Variants in GPC6 observed in about 807,000 individuals in gnomAD.
GPC6 encodes glypican 6.
A neutral mutation model predicts 55.2 loss-of-function variants in GPC6; 14 were observed. The ratio of observed to expected loss-of-function variants is 0.25; its 90% CI spans 0.17 to 0.40. The LOEUF is 0.40. GPC6 is among the 10% of genes least tolerant of loss of function. The pLI, the probability that GPC6 is intolerant of heterozygous loss-of-function variation, is 1.00. For synonymous variants in GPC6, 278 were observed against 259.6 expected, an observed-to-expected ratio of 1.07 and a Z score of -0.68; for missense variants, 641 against 708.5, an observed-to-expected ratio of 0.90 and a Z score of 1.08.
intron 8 of GPC6, among the ~76,000 whole-genome samples, chr13:94,401,155 C>T (rs574633203): frequency 3.3e-5 from 5 of 152,124 alleles, no homozygotes; most frequent in Non-Finnish European, 7.4e-5. Context: ...GCCCAAAGCA[C>T]ATTTATTTAT....
chr13:93,584,793 A>G (rs775196143), intron 2 of GPC6, among the ~76,000 whole-genome samples: 4 of 151,018 alleles, frequency 2.6e-5, no homozygotes, highest in Non-Finnish European at 5.9e-5. Flanking sequence ...GGCTCAAACA[A>G]TCCTCTAACC....
upstream of GPC6, among the ~76,000 whole-genome samples, chr13:93,225,307 G>A (rs1194346538): frequency 2.0e-5 from 3 of 152,134 alleles, no homozygotes; most frequent in Non-Finnish European, 2.9e-5. Flanking sequence ...CAACCTCACC[G>A]TTTGTCCACA....
chr13:94,392,622 T>C (rs1880702136), intron 7 of GPC6, among the ~76,000 whole-genome samples: 1 of 151,384 alleles, frequency 6.6e-6, no homozygotes, highest in Non-Finnish European at 1.5e-5. Flanking sequence ...AGAGATGGGG[T>C]TTCTCCATGT....
At chr13:93,276,491 AGAGAGTGT>A (rs1385187809) in intron 1 of GPC6, among the ~76,000 whole-genome samples, 167 of 128,688 alleles carry the variant, frequency 1.3e-3, no homozygotes, top group African/African-American at 4.8e-3. Context: ...AGAGAGAGAG[AGAGAGTGT>A]GTGTGTGTGT....
the GPC6 span, among the ~76,000 whole-genome samples, chr13:93,217,959 T>C: frequency 6.6e-6 from 1 of 152,200 alleles, no homozygotes; most frequent in East Asian, 1.9e-4. Flanking sequence ...GATTGCTTAG[T>C]AATGTCCTCA....
chr13:94,202,548 G>A (rs1347017397), intron 4 of GPC6, among the ~76,000 whole-genome samples: 2 of 152,116 alleles, frequency 1.3e-5, no homozygotes, highest in Non-Finnish European at 2.9e-5. Context: ...GGGGGAAACA[G>A]CCCCCATGAT....
intron 1 of GPC6, among the ~76,000 whole-genome samples, chr13:93,523,132 T>C (rs1881491005): frequency 6.8e-6 from 1 of 147,984 alleles, no homozygotes. Flanking sequence ...TGTACCCATA[T>C]ATACATATAC....
At chr13:93,923,524 T>C (rs1300380472) in intron 3 of GPC6, among the ~76,000 whole-genome samples, 1 of 152,044 alleles carries the variant, frequency 6.6e-6, no homozygotes, top group Non-Finnish European at 1.5e-5. Context: ...TAGGTACCTG[T>C]CTATTTTTTA....
intron 4 of GPC6, among the ~76,000 whole-genome samples, chr13:94,269,849 A>G (rs35398391): frequency 0.19 from 28,415 of 152,140 alleles, 2,744 homozygotes; most frequent in South Asian, 0.22. Context: ...TAGGAACTAG[A>G]AAGTCTATCA....
At chr13:94,032,725 A>G (rs1411115087) in intron 4 of GPC6, among the ~76,000 whole-genome samples, 1 of 152,200 alleles carries the variant, frequency 6.6e-6, no homozygotes, top group Non-Finnish European at 1.5e-5. Context: ...TAGTATTTTT[A>G]AATTTAAGCC....
At chr13:93,247,381 A>G (rs1257465135) in intron 1 of GPC6, among the ~76,000 whole-genome samples, 1 of 152,120 alleles carries the variant, frequency 6.6e-6, no homozygotes, top group Admixed American at 6.5e-5. Context: ...ATTGCTGGAC[A>G]CTCCTATGTG....
At chr13:93,600,949 C>CAAAAAAAAAAAAAAAAAAA (rs1196219049) in intron 2 of GPC6, among the ~76,000 whole-genome samples, 1 of 27,024 alleles carries the variant, frequency 3.7e-5, no homozygotes, top group Non-Finnish European at 8.1e-5. Context: ...AATTCCGCCT[C>CAAAAAAAAAAAAAAAAAAA]AAAAAAAAAA....
At chr13:93,881,167 C>G (rs1874951013) in intron 3 of GPC6, among the ~76,000 whole-genome samples, 3 of 152,050 alleles carry the variant, frequency 2.0e-5, no homozygotes, top group African/African-American at 4.8e-5. Flanking sequence ...GTGAGTAGAG[C>G]TGGTGTGGGG....
At chr13:94,121,542 G>A (rs1247982050) in intron 4 of GPC6, among the ~76,000 whole-genome samples, 5 of 152,048 alleles carry the variant, frequency 3.3e-5, no homozygotes, top group South Asian at 2.1e-4. Context: ...ATAATTTAAC[G>A]TGAATATAAT....
chr13:94,076,453 T>A (rs970478087), intron 4 of GPC6, among the ~76,000 whole-genome samples: 8 of 152,038 alleles, frequency 5.3e-5, no homozygotes, highest in Non-Finnish European at 1.2e-4. Flanking sequence ...CTCTGCTCAC[T>A]GTTTTCTTTG....
intron 2 of GPC6, among the ~76,000 whole-genome samples, chr13:93,685,578 A>T (rs1272263734): frequency 6.6e-6 from 1 of 152,052 alleles, no homozygotes; most frequent in African/African-American, 2.4e-5. Context: ...TAAACACATT[A>T]CTCTATTTCA....
intron 3 of GPC6, among the ~76,000 whole-genome samples, chr13:93,944,552 A>T (rs974670207): frequency 6.6e-6 from 1 of 152,206 alleles, no homozygotes; most frequent in Admixed American, 6.5e-5. Context: ...TAATTTAAAC[A>T]TAAGATACCT....
intron 1 of GPC6, among the ~76,000 whole-genome samples, chr13:93,326,165 A>C (rs886624007): frequency 2.0e-5 from 3 of 152,166 alleles, no homozygotes; most frequent in Non-Finnish European, 4.4e-5. Context: ...CAGCAGTTGT[A>C]GATGACATTG....
At chr13:93,285,284 G>A (rs1878072360) in intron 1 of GPC6, among the ~76,000 whole-genome samples, 1 of 152,068 alleles carries the variant, frequency 6.6e-6, no homozygotes, top group Non-Finnish European at 1.5e-5. Context: ...TTAAGACACT[G>A]TATTTTTAAT....
Sources: allele counts gnomAD v4.1 joint callset (sites outside exome capture counted in the v4.1 genomes callset), GRCh38; gene constraint gnomAD v4.1.1; transcripts MANE v1.5; gene names NCBI Gene and HGNC (gene_info 2026-07-23, HGNC 2026-07-21).